Variants in SLC44A1 observed in about 807,000 individuals in gnomAD.
SLC44A1 encodes the protein solute carrier family 44 member 1.
Under a neutral mutation model 79.3 loss-of-function variants are expected in SLC44A1, and 26 were observed. That is an observed-to-expected ratio of 0.33 (90% CI 0.24 to 0.46). SLC44A1 has a LOEUF of 0.46. Among genes scored for constraint, SLC44A1 ranks in the 20% least tolerant of loss-of-function variants. The pLI is 1.00. For synonymous variants in SLC44A1, 263 were observed against 286.2 expected, an observed-to-expected ratio of 0.92 and a Z score of 0.82; for missense variants, 688 against 798.1, an observed-to-expected ratio of 0.86 and a Z score of 1.66.
chr9:105,264,860 G>A (rs1049443618), intron 1 of SLC44A1, among the ~76,000 whole-genome samples: 4 of 151,184 alleles, frequency 2.6e-5, no homozygotes, highest in South Asian at 2.1e-4. Context: ...GCAAAGGTGC[G>A]ATCTCGGCTC....
chr9:105,314,327 A>T (rs1831262024), intron 3 of SLC44A1, among the ~76,000 whole-genome samples: 1 of 152,200 alleles, frequency 6.6e-6, no homozygotes, highest in Non-Finnish European at 1.5e-5. Flanking sequence ...GGTAGCTCTT[A>T]GTAAGCATAG....
chr9:105,396,477 G>T lies in SLC44A1; in HGVS notation c.*7421G>T. 2 of 985,410 alleles carry T rather than the reference G, an allele frequency of 2.0e-6. No individual in the cohort carries two copies. The highest frequency in any genetic ancestry group is 2.4e-6 in the Non-Finnish European group (2 of 829,928). The allele number at this position is 985,410 out of a possible 1,614,324, so 61.0% of individuals were successfully genotyped here. A position where few individuals can be genotyped will look rare whatever the true frequency, so the allele number is the denominator to read the frequency against. On this transcript the variant is annotated 3_prime_UTR_variant, in exon 16 of 16. Coordinates refer to ENST00000374720, the MANE Select transcript of SLC44A1 (RefSeq NM_080546.5). The stretch of plus-strand genomic sequence containing the variant: ...CTGGCACAGCCTTTCTGAACTCCTT[G>T]AGTTTAGAATAGAGCTCCTAGAATA...
At chr9:105,255,763 C>T (rs1405856967) in intron 1 of SLC44A1, among the ~76,000 whole-genome samples, 1 of 152,148 alleles carries the variant, frequency 6.6e-6, no homozygotes, top group African/African-American at 2.4e-5. Flanking sequence ...ATTTGAATCC[C>T]ACCTTATCAC....
At chr9:105,296,920 A>G (rs964679355) in intron 1 of SLC44A1, among the ~76,000 whole-genome samples, 3 of 152,212 alleles carry the variant, frequency 2.0e-5, no homozygotes, top group Non-Finnish European at 4.4e-5. Context: ...AGAGATCCAG[A>G]CTAACTCCTT....
At chr9:105,337,573 C>A (rs1328188689) in intron 4 of SLC44A1, among the ~76,000 whole-genome samples, 1 of 152,150 alleles carries the variant, frequency 6.6e-6, no homozygotes, top group Non-Finnish European at 1.5e-5. Flanking sequence ...ATTCCTAGAA[C>A]TTCAATCAAT....
chr9:105,370,754 C>A (rs1828072393), intron 12 of SLC44A1, among the ~76,000 whole-genome samples: 1 of 152,150 alleles, frequency 6.6e-6, no homozygotes, highest in South Asian at 2.1e-4. Flanking sequence ...TTGCTTCCGT[C>A]TCAAGGAAAT....
chr9:105,257,252 A>G (rs1397107844), intron 1 of SLC44A1, among the ~76,000 whole-genome samples: 1 of 151,678 alleles, frequency 6.6e-6, no homozygotes. Context: ...ATGTGCCACC[A>G]CGCCTGGCTA....
chr9:105,272,590 C>T (rs376514390), intron 1 of SLC44A1, among the ~76,000 whole-genome samples: 1 of 149,848 alleles, frequency 6.7e-6, no homozygotes, highest in Non-Finnish European at 1.5e-5. Context: ...TATCACTATT[C>T]TCTTTACAGG....
At chr9:105,400,134 G>A (rs550046806), downstream of SLC44A1, among the ~76,000 whole-genome samples, 1 of 152,030 alleles carries the variant, frequency 6.6e-6, no homozygotes, top group South Asian at 2.1e-4. Context: ...GGCATACGTT[G>A]CGGTGAGCCG....
chr9:105,306,825 A>G (rs770613150), intron 2 of SLC44A1, among the ~76,000 whole-genome samples: 1 of 152,202 alleles, frequency 6.6e-6, no homozygotes, highest in Non-Finnish European at 1.5e-5. Flanking sequence ...GTACTTATCA[A>G]ACATAAGAAG....
chr9:105,406,596 G>A (rs145865739), intron 15 of SLC44A1, among the ~76,000 whole-genome samples: 132 of 152,080 alleles, frequency 8.7e-4, no homozygotes, highest in South Asian at 5.2e-3. Context: ...AGAAAAAGTA[G>A]CCGAACATGG....
chr9:105,254,878 C>T (rs1337713443), intron 1 of SLC44A1, among the ~76,000 whole-genome samples: 1 of 152,186 alleles, frequency 6.6e-6, no homozygotes, highest in African/African-American at 2.4e-5. Context: ...CTCTAGCTTA[C>T]AATCTCCTTT....
chr9:105,339,020 G>A (rs1005311985), intron 4 of SLC44A1, among the ~76,000 whole-genome samples: 23 of 152,120 alleles, frequency 1.5e-4, no homozygotes, highest in African/African-American at 5.3e-4. Context: ...AAGCTGCGTG[G>A]CATTGCATTT....
rs1333004293 is a variant in SLC44A1 at position 105,393,302 on chromosome 9, A to G, written c.*4246A>G. On this transcript the variant is annotated 3_prime_UTR_variant, in exon 16 of 16. Coordinates refer to ENST00000374720, the MANE Select transcript of SLC44A1 (RefSeq NM_080546.5). ...CACAGTAGCTTCTTGGAATTAACTCATCTTTGTTAACTTAGTGGCACATAG... is the reference window on the plus strand; with the variant it reads ...CACAGTAGCTTCTTGGAATTAACTCGTCTTTGTTAACTTAGTGGCACATAG... The G allele has an allele frequency of 4.1e-5, 40 of 985,336 alleles. No homozygotes were observed. Among genetic ancestry groups the G allele is most frequent in the Non-Finnish European group, 4.8e-5 (40 of 829,926 alleles). 61.0% of individuals were successfully genotyped at this position (985,336 alleles called of 1,614,324 possible). A position where few individuals can be genotyped will look rare whatever the true frequency, so the allele number is the denominator to read the frequency against.
intron 1 of SLC44A1, among the ~76,000 whole-genome samples, chr9:105,254,514 G>T (rs1434042373): frequency 1.3e-5 from 2 of 152,138 alleles, no homozygotes; most frequent in Non-Finnish European, 2.9e-5. Context: ...GTGGTGACTG[G>T]GTAGGCAGCC....
chr9:105,244,798 G>T lies in SLC44A1; in HGVS notation c.-71G>T. 1.0e-6 allele frequency: 1 copy of T among 1,003,236 alleles called. No individual in the cohort carries two copies. The highest frequency in any genetic ancestry group is 1.2e-6 in the Non-Finnish European group (1 of 811,142). The allele number at this position is 1,003,236 out of a possible 1,614,324, so 62.1% of individuals were successfully genotyped here. A position where few individuals can be genotyped will look rare whatever the true frequency, so the allele number is the denominator to read the frequency against. The stretch of plus-strand genomic sequence containing the variant: ...CCGCGCCCTCCCCGGGCGCCCGCCG[G>T]CTCGCATGCCGAGGGGCTCCGGGGC... On this transcript the variant is annotated 5_prime_UTR_variant, in exon 1 of 16. Transcript: ENST00000374720.
chr9:105,423,230 C>T (rs1008131285), intron 15 of SLC44A1, among the ~76,000 whole-genome samples: 2 of 151,828 alleles, frequency 1.3e-5, no homozygotes, highest in Non-Finnish European at 2.9e-5. Flanking sequence ...CACCTGAGGT[C>T]GGGTGGGCGG....
chr9:105,278,412 T>C (rs328003), intron 1 of SLC44A1, among the ~76,000 whole-genome samples: 36,368 of 151,870 alleles, frequency 0.24, 8,216 homozygotes, highest in African/African-American at 0.6. Context: ...CCACGCCCGG[T>C]TAATTTTTTG....
intron 12 of SLC44A1, 88 bp from the exon 13 acceptor site, chr9:105,374,510 A>G: frequency 7.7e-7 from 1 of 1,295,694 alleles, no homozygotes; most frequent in South Asian, 1.4e-5. Context: ...AAATATTTTT[A>G]AAAGCTATGT....
Sources: gnomAD v4.1 joint callset for allele counts (sites outside exome capture counted in the v4.1 genomes callset) on GRCh38, gnomAD v4.1.1 for gene constraint, MANE v1.5 for transcripts, NCBI Gene and HGNC (gene_info 2026-07-23, HGNC 2026-07-21) for gene names.